Variants in PKHD1 observed in about 807,000 individuals in gnomAD.
PKHD1 encodes the protein fibrocystin.
Under a neutral mutation model 412.0 loss-of-function variants are expected in PKHD1, and 291 were observed. That is an observed-to-expected ratio of 0.71 (90% CI 0.64 to 0.78). The LOEUF (loss-of-function observed/expected upper bound fraction) is 0.78. Among genes scored for constraint, PKHD1 ranks in the 30% least tolerant of loss-of-function variants. PKHD1 has a pLI of 0.00. For synonymous variants in PKHD1, 1,777 were observed against 1,821.5 expected, an observed-to-expected ratio of 0.98 and a Z score of 0.62; for missense variants, 4,825 against 4,950.7, an observed-to-expected ratio of 0.97 and a Z score of 0.76.
At chr6:51,759,874 G>A (rs1257235822) in intron 55 of PKHD1, among the ~76,000 whole-genome samples, 2 of 152,070 alleles carry the variant, frequency 1.3e-5, no homozygotes, top group Non-Finnish European at 2.9e-5. Flanking sequence ...ACTAGAATTA[G>A]TCTGCCTGCC....
chr6:51,777,965 C>G (rs1014720645), intron 53 of PKHD1, among the ~76,000 whole-genome samples: 2 of 151,914 alleles, frequency 1.3e-5, no homozygotes, highest in Admixed American at 1.3e-4. Context: ...TGAGAGAAAA[C>G]GAAAGATGAA....
At chr6:51,703,301 T>C (rs1379745333) in intron 60 of PKHD1, among the ~76,000 whole-genome samples, 1 of 152,006 alleles carries the variant, frequency 6.6e-6, no homozygotes, top group Non-Finnish European at 1.5e-5. Flanking sequence ...AATAGCTTTA[T>C]AGTGGTGGGT....
At chr6:51,732,019 C>T (rs929698778) in intron 60 of PKHD1, among the ~76,000 whole-genome samples, 1 of 152,022 alleles carries the variant, frequency 6.6e-6, no homozygotes, top group Non-Finnish European at 1.5e-5. Context: ...CATGGCATAA[C>T]AGTAAAAAGC....
chr6:51,929,051 A>C (rs1368836430), intron 37 of PKHD1, among the ~76,000 whole-genome samples: 1 of 152,118 alleles, frequency 6.6e-6, no homozygotes, highest in Non-Finnish European at 1.5e-5. Flanking sequence ...AAAAGGGAGG[A>C]GTCTTGGTCT....
Position 51,775,161 on chromosome 6 carries a change from G to A in PKHD1, c.8554+647C>T, listed in dbSNP as rs193016944. ...TATTTCAACTATTATATAAGTAAGG[G>A]AAAAATAACCAAAAAAATGAACATT... On this transcript the variant is annotated intron_variant, in intron 54 of 66. Coordinates refer to ENST00000371117, the MANE Select transcript of PKHD1 (RefSeq NM_138694.4). Among the ~76,000 whole-genome samples the A allele has an allele frequency of 4.4e-3, 669 of 151,598 alleles. 4 individuals are homozygous for A. Among genetic ancestry groups the A allele is most frequent in the Non-Finnish European group, 8.2e-3 (558 of 67,726 alleles).
intron 60 of PKHD1, among the ~76,000 whole-genome samples, chr6:51,686,824 C>T (rs897852026): frequency 2.6e-5 from 4 of 152,146 alleles, no homozygotes; most frequent in Admixed American, 1.3e-4. Flanking sequence ...TTTCCTGATT[C>T]GCTCAGATTG....
At chr6:51,815,120 C>T (rs7760761) in intron 52 of PKHD1, among the ~76,000 whole-genome samples, 62,849 of 151,918 alleles carry the variant, frequency 0.41, 14,634 homozygotes, top group East Asian at 0.71. Context: ...CCTTAAGTTT[C>T]CAAAAGTCCT....
intron 60 of PKHD1, among the ~76,000 whole-genome samples, chr6:51,738,126 C>T (rs993710103): frequency 2.0e-5 from 3 of 152,160 alleles, no homozygotes; most frequent in African/African-American, 4.8e-5. Flanking sequence ...TGGGCCAGCA[C>T]GCGTGGAGCA....
intron 60 of PKHD1, among the ~76,000 whole-genome samples, chr6:51,739,628 T>C (rs979456523): frequency 2.0e-5 from 3 of 152,228 alleles, no homozygotes; most frequent in Non-Finnish European, 4.4e-5. Flanking sequence ...AGCAGAAATG[T>C]TGTTTTGCTC....
intron 11 of PKHD1, 139 bp downstream of exon 11, chr6:52,069,317 CA>C (rs1167482514): frequency 6.6e-6 from 5 of 754,988 alleles, no homozygotes; most frequent in Non-Finnish European, 1.2e-5. Context: ...TAATCTCAAC[CA>C]AAAACACCAG....
intron 52 of PKHD1, among the ~76,000 whole-genome samples, chr6:51,803,713 A>T (rs1562346408): frequency 1.3e-5 from 2 of 150,372 alleles, no homozygotes; most frequent in Non-Finnish European, 3.0e-5. Context: ...TAGAGAAGAA[A>T]TTTTTTTTTT....
intron 35 of PKHD1, among the ~76,000 whole-genome samples, chr6:51,982,886 AAAAT>A: frequency 1.0e-5 from 1 of 97,870 alleles, no homozygotes; most frequent in African/African-American, 2.8e-5. Flanking sequence ...AAAATAAAAT[AAAAT>A]AAAAAAAAGA....
intron 60 of PKHD1, among the ~76,000 whole-genome samples, chr6:51,719,889 T>C (rs1387155578): frequency 6.6e-6 from 1 of 152,188 alleles, no homozygotes; most frequent in Non-Finnish European, 1.5e-5. Flanking sequence ...ATATATGCCA[T>C]GTCTCCATAA....
At chr6:51,926,730 G>A (rs1166432057) in intron 37 of PKHD1, among the ~76,000 whole-genome samples, 4 of 152,160 alleles carry the variant, frequency 2.6e-5, no homozygotes, top group Admixed American at 2.6e-4. Flanking sequence ...CTCTTGTCCA[G>A]ATCAATGAGA....
chr6:51,863,645 C>T (rs376312086), intron 48 of PKHD1, among the ~76,000 whole-genome samples: 2 of 152,042 alleles, frequency 1.3e-5, no homozygotes, highest in South Asian at 4.1e-4. Flanking sequence ...CAAATGATTG[C>T]CCCAGGAAAG....
chr6:51,812,196 A>G (rs1764804022), intron 52 of PKHD1, among the ~76,000 whole-genome samples: 1 of 152,224 alleles, frequency 6.6e-6, no homozygotes, highest in Non-Finnish European at 1.5e-5. Context: ...GTAGGTCCAC[A>G]GACACCCTAT....
At chr6:51,680,256 T>C (rs1433780564) in intron 60 of PKHD1, among the ~76,000 whole-genome samples, 1 of 152,002 alleles carries the variant, frequency 6.6e-6, no homozygotes, top group East Asian at 1.9e-4. Flanking sequence ...TAAAACTTTT[T>C]GGGGAAAATC....
chr6:51,981,333 CCCTCTCCCTCTCCCTCTCCCTCTCCCTCT>C (rs1562046282), intron 35 of PKHD1, among the ~76,000 whole-genome samples: 7 of 51,918 alleles, frequency 1.3e-4, no homozygotes, highest in South Asian at 1.6e-3. Flanking sequence ...CTCTCCCTCT[CCCTCTCCCTCTCCCTCTCCCTCTCCCTCT>C]CCCTCTCCCT....
intron 52 of PKHD1, among the ~76,000 whole-genome samples, chr6:51,819,093 G>GT (rs764410852): frequency 6.6e-6 from 1 of 152,106 alleles, no homozygotes; most frequent in Non-Finnish European, 1.5e-5. Flanking sequence ...TCCCAGAATG[G>GT]TCGTGAGTGT....
Sources: allele counts gnomAD v4.1 joint callset (sites outside exome capture counted in the v4.1 genomes callset), GRCh38; gene constraint gnomAD v4.1.1; transcripts MANE v1.5; gene names NCBI Gene and HGNC (gene_info 2026-07-23, HGNC 2026-07-21).